The following RAB3D variants were observed in gnomAD, a reference collection of about 807,000 sequenced individuals.
The protein encoded by RAB3D is ras-related protein Rab-3D.
RAB3D carries 17 observed loss-of-function variants against 19.3 expected under a neutral mutation model. The observed-to-expected ratio is 0.88, with a 90% CI of 0.60 to 1.32. The LOEUF (loss-of-function observed/expected upper bound fraction) is 1.32, where lower values mean the gene tolerates loss of function less well. Among genes scored for constraint, RAB3D ranks in the 40% most tolerant of loss-of-function variants. The probability of loss-of-function intolerance (pLI) is 0.00; values close to 1 mark genes in which losing one functional copy is unlikely to be tolerated. For synonymous variants in RAB3D, 103 were observed against 119.9 expected, an observed-to-expected ratio of 0.86 and a Z score of 0.92; for missense variants, 223 against 299.1, an observed-to-expected ratio of 0.75 and a Z score of 1.88.
rs568280947 is a variant in RAB3D at position 11,338,198 on chromosome 19, A to G, written c.-61-738T>C. Among the ~76,000 whole-genome samples the G allele has an allele frequency of 2.6e-5, 4 of 152,334 alleles. No homozygotes were observed. In the South Asian group the frequency reaches 8.3e-4, roughly 32 times the overall value. ...TTTAATCTTCACACCCTGTGGCGTA[A>G]CTGAGTCTGTATTGGGGTGGAGGGT... On this transcript the variant is annotated intron_variant, in intron 1 of 4. Coordinates refer to ENST00000222120, the MANE Select transcript of RAB3D (RefSeq NM_004283.4).
Position 11,322,508 on chromosome 19 carries a change from G to C in RAB3D, c.*2890C>G, listed in dbSNP as rs1190586875. On this transcript the variant is annotated 3_prime_UTR_variant, in exon 5 of 5. Coordinates refer to ENST00000222120, the MANE Select transcript of RAB3D (RefSeq NM_004283.4). Reference sequence around the variant, plus strand: ...TGACCAATCCCCTGGAGCTGGAGAGGGGTTTTCCCACGGCCTTTGGTTTAA... The same window carrying C: ...TGACCAATCCCCTGGAGCTGGAGAGCGGTTTTCCCACGGCCTTTGGTTTAA... The C allele has an allele frequency of 1.3e-5, 2 of 152,114 alleles. No homozygotes were observed. The highest frequency in any genetic ancestry group is 1.5e-5 in the Non-Finnish European group (1 of 68,030). The allele number at this position is 152,114 out of a possible 1,614,324, so 9.4% of individuals were successfully genotyped here.
intron 4 of RAB3D, among the ~76,000 whole-genome samples, chr19:11,329,902 G>C (rs2080829861): frequency 6.6e-6 from 1 of 152,056 alleles, no homozygotes; most frequent in Non-Finnish European, 1.5e-5. Context: ...GGCTGGTCTC[G>C]AACTCCTGAC....
intron 4 of RAB3D, 81 bp from the exon 5 acceptor site, chr19:11,325,666 C>T: frequency 7.3e-7 from 1 of 1,366,642 alleles, no homozygotes; most frequent in Non-Finnish European, 1.0e-6. Context: ...AACCTGGCTT[C>T]TAAGCCTAGT....
chr19:11,330,804 C>A (rs1057406814), intron 4 of RAB3D, among the ~76,000 whole-genome samples: 4 of 151,978 alleles, frequency 2.6e-5, no homozygotes, highest in Non-Finnish European at 5.9e-5. Flanking sequence ...CCCGCCTCGG[C>A]CTCCCAAAGT....
intron 2 of RAB3D, among the ~76,000 whole-genome samples, chr19:11,336,535 G>A (rs1343863924): frequency 1.3e-5 from 2 of 151,856 alleles, no homozygotes; most frequent in Non-Finnish European, 1.5e-5. Flanking sequence ...GTCTGGAACC[G>A]CTGGGCTCAA....
In RAB3D at chr19:11,337,257, G is replaced by A. The variant is rs746428000; in HGVS notation, c.143C>T (p.Thr48Ile). 8.1e-6 allele frequency: 13 copies of A among 1,614,052 alleles called. No homozygotes were observed. In the African/African-American group the frequency reaches 1.2e-4, roughly 15 times the overall value. ...GCCCACAGTACTGACGAAGGCGGGAGTGAAGGAGTCGTCCGCGTATCGGAA... is the reference window on the plus strand; with the variant it reads ...GCCCACAGTACTGACGAAGGCGGGAATGAAGGAGTCGTCCGCGTATCGGAA... ...FLFRYADDSF[T>I]PAFVSTVGID... The change falls in exon 2 of 5, where the codon ACT (threonine) becomes ATT (isoleucine). Residue 48 changes from threonine to isoleucine, a missense_variant. Physicochemically the swap from Thr to Ile is moderately conservative, Grantham distance 89. Transcript: ENST00000222120.
chr19:11,322,771 A>C lies in RAB3D; in HGVS notation c.*2627T>G, dbSNP rs1164496810. ...AATTCTTGAAAAATCTTATGTAAAC[A>C]GAAAGCTTAGGCCAGGTCAGGAGTA... On this transcript the variant is annotated 3_prime_UTR_variant, in exon 5 of 5. Transcript: ENST00000222120. 6.6e-6 allele frequency: 1 copy of C among 152,258 alleles called. No individual in the cohort carries two copies. Among genetic ancestry groups the C allele is most frequent in the Non-Finnish European group, 1.5e-5 (1 of 68,054 alleles). The allele number at this position is 152,258 out of a possible 1,614,324, so 9.4% of individuals were successfully genotyped here.
At position 11,325,314 on chromosome 19, in the gene RAB3D, T is replaced by A. The variant is rs2080805274; in HGVS notation, c.*84A>T. On this transcript the variant is annotated 3_prime_UTR_variant, in exon 5 of 5. Transcript: ENST00000222120. ...CAGGAGGGAAGGGATTGCCCTGAGC[T>A]TGGAGATAACCACTGTGGCTCACGC... The A allele has an allele frequency of 2.3e-6, 2 of 867,898 alleles. No individual in the cohort carries two copies. The highest frequency in any genetic ancestry group is 3.5e-6 in the Non-Finnish European group (2 of 565,100). 53.8% of individuals were successfully genotyped at this position (867,898 alleles called of 1,614,324 possible). A position where few individuals can be genotyped will look rare whatever the true frequency, so the allele number is the denominator to read the frequency against.
At chr19:11,326,278 G>A (rs2080812453) in intron 4 of RAB3D, among the ~76,000 whole-genome samples, 1 of 151,894 alleles carries the variant, frequency 6.6e-6, no homozygotes, top group Non-Finnish European at 1.5e-5. Flanking sequence ...CTACTCGGAA[G>A]GTTAAGGCAG....
At chr19:11,328,838 G>A (rs2080825666) in intron 4 of RAB3D, among the ~76,000 whole-genome samples, 1 of 151,612 alleles carries the variant, frequency 6.6e-6, no homozygotes, top group Non-Finnish European at 1.5e-5. Context: ...ACAAAGAAAT[G>A]TATGGAGATA....
rs139782948 is a variant in RAB3D at position 11,324,433 on chromosome 19, G to C, written c.*965C>G. ...ACAACTGCCTGCGGTGGCTGGGAACGTTGCTTCATTTCCTTTTCTAGCAGG... is the reference window on the plus strand; with the variant it reads ...ACAACTGCCTGCGGTGGCTGGGAACCTTGCTTCATTTCCTTTTCTAGCAGG... On this transcript the variant is annotated 3_prime_UTR_variant, in exon 5 of 5. Coordinates refer to ENST00000222120, the MANE Select transcript of RAB3D (RefSeq NM_004283.4). 1.3e-5 allele frequency: 2 copies of C among 152,292 alleles called. No individual in the cohort carries two copies. Among genetic ancestry groups the C allele is most frequent in the East Asian group, 3.9e-4 (2 of 5,190 alleles). The allele number at this position is 152,292 out of a possible 1,614,324, so 9.4% of individuals were successfully genotyped here.
chr19:11,326,909 T>G, intron 4 of RAB3D: 1 of 536,352 alleles, frequency 1.9e-6, no homozygotes, highest in East Asian at 3.3e-5. Flanking sequence ...CACGCTGGGC[T>G]TCCTGCATCC....
chr19:11,333,060 G>A (rs1474593890), intron 4 of RAB3D, among the ~76,000 whole-genome samples: 1 of 151,998 alleles, frequency 6.6e-6, no homozygotes, highest in Non-Finnish European at 1.5e-5. Flanking sequence ...GCCAGCTCTG[G>A]GGCTGATGGA....
chr19:11,322,896 G>C lies in RAB3D; in HGVS notation c.*2502C>G, dbSNP rs2080788705. ...CATTCCTTTTTTTGACAGCAGTTTA[G>C]AGACAATTGGCCAACAAAACCAGCC... is the stretch of plus-strand genomic sequence containing the variant. On this transcript the variant is annotated 3_prime_UTR_variant, in exon 5 of 5. Transcript: ENST00000222120. 1 of 152,084 alleles carries C rather than the reference G, an allele frequency of 6.6e-6. No individual in the cohort carries two copies. The highest frequency in any genetic ancestry group is 2.4e-5 in the African/African-American group (1 of 41,410). The allele number at this position is 152,084 out of a possible 1,614,324, so 9.4% of individuals were successfully genotyped here.
Position 11,325,203 on chromosome 19 carries a change from G to C in RAB3D, c.*195C>G, listed in dbSNP as rs556429898. The C allele has an allele frequency of 3.6e-6, 2 of 548,312 alleles. No individual in the cohort carries two copies. Among genetic ancestry groups the C allele is most frequent in the South Asian group, 2.2e-5 (1 of 46,060 alleles). The allele number at this position is 548,312 out of a possible 1,614,324, so 34.0% of individuals were successfully genotyped here. ...CAGAGCTGAGTCCCCATGGTCCGCA[G>C]CCTCCCACCGGGGCTGCCTGAGGAA... On this transcript the variant is annotated 3_prime_UTR_variant, in exon 5 of 5. Transcript: ENST00000222120.
Position 11,335,651 on chromosome 19 carries a change from C to A in RAB3D, c.347+14G>T, listed in dbSNP as rs1423344029. ...AGGGCAAAGATCAGGGGTCCATGAT[C>A]AGCAAGCACTCACCAGTCCTGCACA... is the stretch of plus-strand genomic sequence containing the variant. On this transcript the variant is annotated intron_variant, in intron 3 of 4. Coordinates refer to ENST00000222120, the MANE Select transcript of RAB3D (RefSeq NM_004283.4). 6.2e-7 allele frequency: 1 copy of A among 1,613,890 alleles called. No individual in the cohort carries two copies. Among genetic ancestry groups the A allele is most frequent in the East Asian group, 2.2e-5 (1 of 44,882 alleles).
Position 11,323,088 on chromosome 19 carries a change from G to A in RAB3D, c.*2310C>T, listed in dbSNP as rs927459784. The stretch of plus-strand genomic sequence containing the variant: ...GATCATGCTACTGCACTGCGGCCTG[G>A]GCGACGAGCGACTCTCTGTCTTAAA... On this transcript the variant is annotated 3_prime_UTR_variant, in exon 5 of 5. Transcript: ENST00000222120. 1 of 151,416 alleles carries A rather than the reference G, an allele frequency of 6.6e-6. No homozygotes were observed. Among genetic ancestry groups the A allele is most frequent in the Non-Finnish European group, 1.5e-5 (1 of 67,934 alleles). The allele number at this position is 151,416 out of a possible 1,614,324, so 9.4% of individuals were successfully genotyped here. A position where few individuals can be genotyped will look rare whatever the true frequency, so the allele number is the denominator to read the frequency against.
intron 4 of RAB3D, among the ~76,000 whole-genome samples, chr19:11,327,552 C>T (rs1408524640): frequency 6.6e-6 from 1 of 152,170 alleles, no homozygotes; most frequent in Non-Finnish European, 1.5e-5. Flanking sequence ...GTGTGAACCA[C>T]CATGCCAGGC....
rs2080795978 is a variant in RAB3D at position 11,323,923 on chromosome 19, G to C, written c.*1475C>G. 1 of 152,246 alleles carries C rather than the reference G, an allele frequency of 6.6e-6. No homozygotes were observed. Among genetic ancestry groups the C allele is most frequent in the South Asian group, 2.1e-4 (1 of 4,834 alleles). The allele number at this position is 152,246 out of a possible 1,614,324, so 9.4% of individuals were successfully genotyped here. A position where few individuals can be genotyped will look rare whatever the true frequency, so the allele number is the denominator to read the frequency against. ...GCTGCGCCCCTAGAGTTTGGAATCTGATGGGCAGAAAGTGCCTCTAAACCG... is the reference window on the plus strand; with the variant it reads ...GCTGCGCCCCTAGAGTTTGGAATCTCATGGGCAGAAAGTGCCTCTAAACCG... On this transcript the variant is annotated 3_prime_UTR_variant, in exon 5 of 5. Transcript: ENST00000222120.
Sources: allele counts gnomAD v4.1 joint callset (sites outside exome capture counted in the v4.1 genomes callset), GRCh38; gene constraint gnomAD v4.1.1; transcripts MANE v1.5; gene names NCBI Gene and HGNC (gene_info 2026-07-23, HGNC 2026-07-21).